Variants in RAPGEF1 observed in about 807,000 individuals in gnomAD.
RAPGEF1 encodes the protein CRK SH3-binding GNRP.
Under a neutral mutation model 143.3 loss-of-function variants are expected in RAPGEF1, and 33 were observed. The ratio of observed to expected loss-of-function variants is 0.23; its 90% CI spans 0.17 to 0.31. The LOEUF is 0.31. Ranked by LOEUF, RAPGEF1 falls within the 10% of genes least tolerant of loss-of-function variation. RAPGEF1 has a pLI of 1.00. For missense variants in RAPGEF1, 1,199 were observed against 1,645.4 expected (o/e 0.73, Z 4.69); for synonymous variants, 629 against 676.5 (o/e 0.93, Z 1.09).
intron 18 of RAPGEF1, among the ~76,000 whole-genome samples, chr9:131,590,326 C>T (rs1397953030): frequency 6.6e-6 from 1 of 152,282 alleles, no homozygotes; most frequent in African/African-American, 2.4e-5. Flanking sequence ...AGGTAGAGAA[C>T]GGTGGGCCCA....
At chr9:131,717,835 C>T (rs979798337) in intron 1 of RAPGEF1, among the ~76,000 whole-genome samples, 14 of 151,356 alleles carry the variant, frequency 9.2e-5, no homozygotes, top group African/African-American at 2.7e-4. Context: ...AAGTGATGCG[C>T]ACCCTATCTG....
intron 1 of RAPGEF1, among the ~76,000 whole-genome samples, chr9:131,731,739 C>T (rs941166926): frequency 1.3e-5 from 2 of 152,220 alleles, no homozygotes; most frequent in East Asian, 3.8e-4. Context: ...TCCATTTCTA[C>T]GCTTTAAAAG....
At chr9:131,634,953 T>C (rs868791873) in intron 5 of RAPGEF1, among the ~76,000 whole-genome samples, 2 of 151,984 alleles carry the variant, frequency 1.3e-5, no homozygotes, top group Admixed American at 6.6e-5. Flanking sequence ...GAGAAAAACA[T>C]TGAGGGTCTT....
At position 131,641,605 on chromosome 9, in the gene RAPGEF1, C is replaced by T. The variant is rs1967994974; in HGVS notation, c.494+1634G>A. Among the ~76,000 whole-genome samples the T allele has an allele frequency of 6.6e-6, 1 of 152,222 alleles. No individual in the cohort carries two copies. The highest frequency in any genetic ancestry group is 2.4e-5 in the African/African-American group (1 of 41,448). On this transcript the variant is annotated intron_variant, in intron 4 of 26. Transcript: ENST00000683357. This position sits in a 1 kb window ranked among gnomAD's most constrained non-coding sequence, Gnocchi z 4.6. ...TTGTTTCAACTAGGCTTTAACTATTCCAAGGCAGAGACTACCACATGAGAC... is the reference window on the plus strand; with the variant it reads ...TTGTTTCAACTAGGCTTTAACTATTTCAAGGCAGAGACTACCACATGAGAC...
intron 1 of RAPGEF1, among the ~76,000 whole-genome samples, chr9:131,670,289 C>G (rs532272776): frequency 1.3e-5 from 2 of 152,198 alleles, no homozygotes; most frequent in African/African-American, 4.8e-5. Flanking sequence ...CTTATTTCCT[C>G]TGGGTCAGTG....
At position 131,598,307 on chromosome 9, in the gene RAPGEF1, G is replaced by C; in HGVS notation, c.2505C>G (p.Ala835=). 1 of 1,613,512 alleles carries C rather than the reference G, an allele frequency of 6.2e-7. No individual in the cohort carries two copies. Among genetic ancestry groups the C allele is most frequent in the Non-Finnish European group, 8.5e-7 (1 of 1,179,652 alleles). Residue 835 remains alanine, a synonymous_variant, in exon 16 of 27, where the codon GCC becomes GCG. Coordinates refer to ENST00000683357, the MANE Select transcript of RAPGEF1 (RefSeq NM_001377935.1). ...GKDSRDGSER[A]PKSPDALESA... ...ACTCCAGAGCATCTGGTGACTTTGG[G>C]GCCCTGCGGGGAGAAGTGGTTTGTG...
In RAPGEF1 at chr9:131,630,644, G is replaced by A. The variant is rs1466186139; in HGVS notation, c.652-320C>T. On this transcript the variant is annotated intron_variant, in intron 5 of 26. Transcript: ENST00000683357. ...CAAATTAAAATACTCATCAGAACAG[G>A]TTCCCAGTCAGTTTGTTGGGGAATA... Among the ~76,000 whole-genome samples the A allele has an allele frequency of 4.3e-4, 65 of 152,134 alleles. 1 individual carries two copies. Among genetic ancestry groups the A allele is most frequent in the Admixed American group, 4.3e-3 (65 of 15,268 alleles).
intron 1 of RAPGEF1, among the ~76,000 whole-genome samples, chr9:131,690,538 C>G (rs1833712137): frequency 1.3e-5 from 2 of 152,126 alleles, no homozygotes; most frequent in Non-Finnish European, 2.9e-5. Context: ...TGGCTAATGT[C>G]TGTAACCCCA....
intron 12 of RAPGEF1, 27 bp downstream of exon 12, chr9:131,619,024 A>T: frequency 1.5e-6 from 2 of 1,349,956 alleles, no homozygotes; most frequent in South Asian, 2.4e-5. Context: ...CGCGTTTCCA[A>T]GTAAAGAACA....
chr9:131,705,828 G>A (rs1354716140), intron 1 of RAPGEF1, among the ~76,000 whole-genome samples: 1 of 152,166 alleles, frequency 6.6e-6, no homozygotes, highest in African/African-American at 2.4e-5. Context: ...GACAGCAGGT[G>A]GAGGCTGTAA....
At chr9:131,716,917 C>T (rs545714035) in intron 1 of RAPGEF1, among the ~76,000 whole-genome samples, 3 of 152,310 alleles carry the variant, frequency 2.0e-5, no homozygotes, top group Non-Finnish European at 2.9e-5. Flanking sequence ...CCTCACACGG[C>T]GACTGGACAC....
chr9:131,608,902 C>T (rs1957551056), intron 12 of RAPGEF1, among the ~76,000 whole-genome samples: 1 of 152,232 alleles, frequency 6.6e-6, no homozygotes, highest in Non-Finnish European at 1.5e-5. Flanking sequence ...GCAGGGCGGG[C>T]CATTCCACAG....
intron 26 of RAPGEF1, 41 bp downstream of exon 26, chr9:131,580,222 G>A: frequency 6.2e-7 from 1 of 1,608,336 alleles, no homozygotes; most frequent in East Asian, 2.2e-5. Context: ...TGTGGCCCGG[G>A]GCTCAGCTCT....
chr9:131,698,609 A>G (rs946311418), intron 1 of RAPGEF1, among the ~76,000 whole-genome samples: 1 of 152,212 alleles, frequency 6.6e-6, no homozygotes, highest in African/African-American at 2.4e-5. Context: ...AGGAGGGGGC[A>G]GGTCTCTCTC....
intron 1 of RAPGEF1, among the ~76,000 whole-genome samples, chr9:131,688,300 C>G (rs1254329386): frequency 2.0e-5 from 3 of 152,204 alleles, no homozygotes; most frequent in African/African-American, 7.2e-5. Context: ...TGAACACCTC[C>G]AGTCAATGGT....
chr9:131,585,400 C>T (rs1418716197), intron 22 of RAPGEF1, among the ~76,000 whole-genome samples: 10 of 152,076 alleles, frequency 6.6e-5, no homozygotes, highest in African/African-American at 2.2e-4. Context: ...AGGCTGGTCT[C>T]GAACTCCTGC....
chr9:131,607,929 A>C (rs2132570344), intron 12 of RAPGEF1, among the ~76,000 whole-genome samples: 1 of 152,314 alleles, frequency 6.6e-6, no homozygotes, highest in East Asian at 1.9e-4. Context: ...CTTCCTAACC[A>C]ATCATATAGT....
intron 1 of RAPGEF1, among the ~76,000 whole-genome samples, chr9:131,654,190 C>A (rs1240346536): frequency 6.6e-6 from 1 of 151,246 alleles, no homozygotes; most frequent in Non-Finnish European, 1.5e-5. Flanking sequence ...CAAAAGTATT[C>A]TAAAATTAGA....
chr9:131,717,981 C>G (rs931560696), intron 1 of RAPGEF1, among the ~76,000 whole-genome samples: 2 of 152,018 alleles, frequency 1.3e-5, no homozygotes, highest in Non-Finnish European at 2.9e-5. Flanking sequence ...CGAGTACTCC[C>G]CAGCATGAAC....
Sources: allele counts gnomAD v4.1 joint callset (sites outside exome capture counted in the v4.1 genomes callset), GRCh38; gene constraint gnomAD v4.1.1; non-coding constraint Gnocchi (gnomAD v3.1); transcripts MANE v1.5; gene names NCBI Gene and HGNC (gene_info 2026-07-23, HGNC 2026-07-21).